ULK4: variants seen among roughly 807,000 people sequenced by gnomAD.
The protein encoded by ULK4 is inactive serine/threonine-protein kinase ULK4.
In ULK4, 133 loss-of-function variants were observed where a neutral mutation model predicts 160.6. The observed-to-expected ratio is 0.83, with a 90% CI of 0.72 to 0.96. The LOEUF (loss-of-function observed/expected upper bound fraction) is 0.96, where lower values mean the gene tolerates loss of function less well. Ranked by LOEUF, ULK4 falls within the 40% of genes least tolerant of loss-of-function variation. The pLI, the probability that ULK4 is intolerant of heterozygous loss-of-function variation, is 0.00. For missense variants in ULK4, 1,580 were observed against 1,499.5 expected (o/e 1.05, Z -0.89); for synonymous variants, 534 against 539.8 (o/e 0.99, Z 0.15).
intron 2 of ULK4, among the ~76,000 whole-genome samples, chr3:41,939,842 C>T (rs1056628027): frequency 2.6e-5 from 4 of 152,106 alleles, no homozygotes; most frequent in Admixed American, 1.3e-4. Flanking sequence ...CACAGAAGCA[C>T]AAACCCTATT....
chr3:41,484,365 G>A (rs2084432058), intron 32 of ULK4, among the ~76,000 whole-genome samples: 1 of 151,862 alleles, frequency 6.6e-6, no homozygotes, highest in Non-Finnish European at 1.5e-5. Flanking sequence ...TGTTTAAATT[G>A]TAACAGAGAA....
chr3:41,876,319 A>G (rs1697300014), intron 17 of ULK4, among the ~76,000 whole-genome samples: 1 of 152,226 alleles, frequency 6.6e-6, no homozygotes. Flanking sequence ...GAAAAATTAA[A>G]TACTCCTATC....
Position 41,639,998 on chromosome 3 carries a change from T to C in ULK4, c.3071+23609A>G, listed in dbSNP as rs535307161. The stretch of plus-strand genomic sequence containing the variant: ...TGCTTTGAGGCCAGACCTGTGTGTG[T>C]ATGAGAAACCAAGCATCCACTGAAG... On this transcript the variant is annotated intron_variant, in intron 30 of 36. Coordinates refer to ENST00000301831, the MANE Select transcript of ULK4 (RefSeq NM_017886.4). 1.1e-4 allele frequency among the ~76,000 whole-genome samples: 17 copies of C among 152,330 alleles called. No individual in the cohort carries two copies. In the South Asian group the frequency reaches 2.7e-3, roughly 24 times the overall value.
intron 35 of ULK4, among the ~76,000 whole-genome samples, chr3:41,332,262 T>C (rs985892609): frequency 2.6e-5 from 4 of 151,918 alleles, no homozygotes; most frequent in African/African-American, 9.7e-5. Flanking sequence ...TCAAAGCTTA[T>C]CTATTCCAAA....
At chr3:41,493,395 A>C (rs7621194) in intron 32 of ULK4, among the ~76,000 whole-genome samples, 65,346 of 136,290 alleles carry the variant, frequency 0.48, 15,911 homozygotes, top group Admixed American at 0.56. Flanking sequence ...ACAAAGACAC[A>C]ACATACCAGA....
At chr3:41,549,959 CA>C (rs2087002462) in intron 32 of ULK4, among the ~76,000 whole-genome samples, 1 of 151,980 alleles carries the variant, frequency 6.6e-6, no homozygotes. Context: ...CTATGTCTAG[CA>C]AACCTATCCT....
chr3:41,911,378 T>C lies in ULK4; in HGVS notation c.1024A>G (p.Thr342Ala), dbSNP rs940528122. The C allele has an allele frequency of 3.1e-6, 5 of 1,614,096 alleles. No individual in the cohort carries two copies. The highest frequency in any genetic ancestry group is 2.2e-5 in the South Asian group (2 of 91,066). ...AGAGTACTCTTAGGCCGAAACTCAG[T>C]TGGATTTTCTGTAGCAGGAAAGTAA... ...LGHSFRLENPTEFRPKSTLEG... is the reference protein window; with the variant it reads ...LGHSFRLENPAEFRPKSTLEG... Residue 342 changes from threonine (T) to alanine (A), a missense_variant, in exon 11 of 37, where the codon ACT becomes GCT. By Grantham distance (58) the Thr-to-Ala change is moderately conservative. Coordinates refer to ENST00000301831, the MANE Select transcript of ULK4 (RefSeq NM_017886.4).
chr3:41,767,843 C>G (rs769940758), intron 21 of ULK4, among the ~76,000 whole-genome samples: 5 of 152,064 alleles, frequency 3.3e-5, no homozygotes, highest in Non-Finnish European at 7.4e-5. Context: ...TGTTACGTCT[C>G]AAGAAACTTA....
At chr3:41,949,910 A>G (rs1404499146) in intron 2 of ULK4, among the ~76,000 whole-genome samples, 1 of 147,330 alleles carries the variant, frequency 6.8e-6, no homozygotes, top group Non-Finnish European at 1.5e-5. Flanking sequence ...TAATTTTTCT[A>G]TTTTTTCTAG....
At position 41,618,016 on chromosome 3, in the gene ULK4, G is replaced by A. The variant is rs137898935; in HGVS notation, c.3072-2299C>T. 4.0e-3 allele frequency among the ~76,000 whole-genome samples: 606 copies of A among 152,180 alleles called. 7 individuals carry two copies. Among genetic ancestry groups the A allele is most frequent in the African/African-American group, 0.014 (579 of 41,524 alleles). ...AGCTGAATAGATCAAGTGGAAGAAA[G>A]TATATCAGAGATGGAAGATCAATTT... is the stretch of plus-strand genomic sequence containing the variant. On this transcript the variant is annotated intron_variant, in intron 30 of 36. Coordinates refer to ENST00000301831, the MANE Select transcript of ULK4 (RefSeq NM_017886.4).
At chr3:41,433,003 T>C (rs1369180496) in intron 34 of ULK4, among the ~76,000 whole-genome samples, 1 of 152,038 alleles carries the variant, frequency 6.6e-6, no homozygotes, top group Non-Finnish European at 1.5e-5. Context: ...TTAAAGACAC[T>C]GATAAATTTG....
chr3:41,631,902 T>C (rs935185005), intron 30 of ULK4, among the ~76,000 whole-genome samples: 1 of 152,182 alleles, frequency 6.6e-6, no homozygotes, highest in East Asian at 1.9e-4. Context: ...TGGTCTGTAA[T>C]GCTCCTGCTA....
chr3:41,345,962 C>T (rs1338275828), intron 35 of ULK4, among the ~76,000 whole-genome samples: 1 of 151,828 alleles, frequency 6.6e-6, no homozygotes, highest in Non-Finnish European at 1.5e-5. Context: ...GGAGATAACA[C>T]TGTTCTAGGT....
intron 22 of ULK4, 71 bp downstream of exon 22, chr3:41,754,290 A>G: frequency 6.7e-7 from 1 of 1,497,674 alleles, no homozygotes; most frequent in African/African-American, 1.4e-5. Context: ...AGGCCAAGAA[A>G]TACCCTACAA....
At chr3:41,298,961 C>T (rs1206152577) in intron 35 of ULK4, among the ~76,000 whole-genome samples, 2 of 152,180 alleles carry the variant, frequency 1.3e-5, no homozygotes, top group Non-Finnish European at 2.9e-5. Flanking sequence ...TGGGTGAATG[C>T]TTGCAAAAAT....
intron 35 of ULK4, among the ~76,000 whole-genome samples, chr3:41,382,003 G>T (rs1370594624): frequency 1.3e-5 from 2 of 152,014 alleles, no homozygotes; most frequent in East Asian, 3.9e-4. Context: ...CTATTTCCCT[G>T]CTCCAAACAC....
chr3:41,894,718 T>C (rs1405259340), intron 16 of ULK4, among the ~76,000 whole-genome samples: 1 of 152,186 alleles, frequency 6.6e-6, no homozygotes, highest in Admixed American at 6.5e-5. Flanking sequence ...GCTCAGCAAT[T>C]AAAGTACTTG....
At chr3:41,939,629 C>G (rs1007471373) in intron 2 of ULK4, among the ~76,000 whole-genome samples, 4 of 152,066 alleles carry the variant, frequency 2.6e-5, no homozygotes, top group Non-Finnish European at 5.9e-5. Flanking sequence ...CTGGCAGTGG[C>G]TCATGCCTGT....
At chr3:41,716,375 C>T (rs965956375) in intron 23 of ULK4, among the ~76,000 whole-genome samples, 3 of 151,972 alleles carry the variant, frequency 2.0e-5, no homozygotes, top group Non-Finnish European at 4.4e-5. Flanking sequence ...ATAAATAAAA[C>T]TTGCTTTGTG....
Sources: gnomAD v4.1 joint callset for allele counts (sites outside exome capture counted in the v4.1 genomes callset) on GRCh38, gnomAD v4.1.1 for gene constraint, MANE v1.5 for transcripts, NCBI Gene and HGNC (gene_info 2026-07-23, HGNC 2026-07-21) for gene names.